EYS: variants seen among roughly 807,000 people sequenced by gnomAD.
The protein encoded by EYS is protein eyes shut homolog.
EYS carries 250 observed loss-of-function variants against 282.1 expected under a neutral mutation model. That is an observed-to-expected ratio of 0.89 (90% CI 0.80 to 0.98). The LOEUF is 0.98. EYS is among the 50% of genes least tolerant of loss of function. EYS has a pLI of 0.00. For synonymous variants in EYS, 1,355 were observed against 1,282.9 expected (o/e 1.06, Z -1.20); for missense variants, 4,016 against 3,709.0 (o/e 1.08, Z -2.15).
At chr6:63,922,551 A>C (rs1417531731) in intron 35 of EYS, among the ~76,000 whole-genome samples, 2 of 152,180 alleles carry the variant, frequency 1.3e-5, no homozygotes. Context: ...TGACAGAATG[A>C]GACTCTGCCT....
At chr6:65,644,498 ACAAT>A (rs1767387007) in intron 1 of EYS, among the ~76,000 whole-genome samples, 2 of 152,208 alleles carry the variant, frequency 1.3e-5, no homozygotes, top group South Asian at 2.1e-4. Flanking sequence ...ACCTGAGAGA[ACAAT>A]CAAAGACAAC....
At chr6:64,114,319 G>T (rs1018295041) in intron 31 of EYS, among the ~76,000 whole-genome samples, 1 of 151,578 alleles carries the variant, frequency 6.6e-6, no homozygotes, top group African/African-American at 2.4e-5. Context: ...TATTTTATTA[G>T]CTTTATTCTT....
At chr6:64,547,313 A>G (rs894137269) in intron 26 of EYS, among the ~76,000 whole-genome samples, 1 of 151,994 alleles carries the variant, frequency 6.6e-6, no homozygotes, top group Admixed American at 6.6e-5. Context: ...GGTCCATTTT[A>G]CAGAGAGCCG....
chr6:63,740,447 C>G (rs1416132513), intron 41 of EYS, among the ~76,000 whole-genome samples: 1 of 152,158 alleles, frequency 6.6e-6, no homozygotes, highest in Non-Finnish European at 1.5e-5. Context: ...TTTTTCTTCC[C>G]AGTTCCAGGT....
In EYS at chr6:65,175,191, G is replaced by A. The variant is rs1256897552; in HGVS notation, c.2024-117464C>T. Among the ~76,000 whole-genome samples, 7 of 151,296 alleles carry A rather than the reference G, an allele frequency of 4.6e-5. No homozygotes were observed. In the East Asian group the frequency reaches 1.4e-3, roughly 30 times the overall value. On this transcript the variant is annotated intron_variant, in intron 12 of 42. Transcript: ENST00000503581. ...AAATAGTAGGTCAAGAAAAGGAAAG[G>A]ATGTTTTAAGGTAAGATAATATCAT...
intron 28 of EYS, among the ~76,000 whole-genome samples, chr6:64,405,037 A>C (rs921100578): frequency 1.3e-5 from 2 of 152,012 alleles, no homozygotes; most frequent in Non-Finnish European, 2.9e-5. Flanking sequence ...CAGATTTGTT[A>C]CATACGTAAA....
At chr6:64,322,814 C>A (rs1770265758) in intron 29 of EYS, among the ~76,000 whole-genome samples, 1 of 152,004 alleles carries the variant, frequency 6.6e-6, no homozygotes, top group Non-Finnish European at 1.5e-5. Flanking sequence ...GTTATTATTT[C>A]TTCACTGCAG....
chr6:64,100,746 T>C (rs1772797110), intron 31 of EYS, among the ~76,000 whole-genome samples: 1 of 152,200 alleles, frequency 6.6e-6, no homozygotes, highest in Non-Finnish European at 1.5e-5. Context: ...GTTAGAACCC[T>C]GAACCTTACA....
At chr6:63,791,558 A>G (rs1406541015) in intron 37 of EYS, among the ~76,000 whole-genome samples, 8 of 150,750 alleles carry the variant, frequency 5.3e-5, no homozygotes, top group Admixed American at 4.6e-4. Flanking sequence ...AGCCTGGGCA[A>G]CAGAGCGAGA....
chr6:64,020,038 T>G (rs1769110861), intron 33 of EYS, among the ~76,000 whole-genome samples: 1 of 151,990 alleles, frequency 6.6e-6, no homozygotes, highest in Non-Finnish European at 1.5e-5. Flanking sequence ...CAAGAAACAC[T>G]GATAAAATCA....
intron 12 of EYS, among the ~76,000 whole-genome samples, chr6:65,102,355 C>G (rs772532610): frequency 6.6e-6 from 1 of 151,202 alleles, no homozygotes; most frequent in East Asian, 1.9e-4. Flanking sequence ...CATATTTATT[C>G]GATGCTAATT....
At chr6:65,645,799 A>G (rs538948926) in intron 1 of EYS, among the ~76,000 whole-genome samples, 1 of 152,198 alleles carries the variant, frequency 6.6e-6, no homozygotes, top group South Asian at 2.1e-4. Flanking sequence ...CCAAGAAAAG[A>G]AGAGAGAAGT....
At chr6:64,069,559 T>G (rs1048250930) in intron 32 of EYS, among the ~76,000 whole-genome samples, 1 of 151,992 alleles carries the variant, frequency 6.6e-6, no homozygotes, top group Non-Finnish European at 1.5e-5. Context: ...GTCTTAAATC[T>G]CTCCAAAATT....
chr6:65,157,719 A>G (rs1368889342), intron 12 of EYS, among the ~76,000 whole-genome samples: 1 of 150,800 alleles, frequency 6.6e-6, no homozygotes, highest in Non-Finnish European at 1.5e-5. Context: ...AATATCTGAA[A>G]GTTTTCTTTA....
intron 39 of EYS, among the ~76,000 whole-genome samples, chr6:63,785,077 C>T (rs1178492463): frequency 6.6e-6 from 1 of 152,064 alleles, no homozygotes; most frequent in Non-Finnish European, 1.5e-5. Context: ...TATTGCTGAC[C>T]CAGGGACCAC....
At chr6:63,877,591 A>T (rs577350584) in intron 35 of EYS, among the ~76,000 whole-genome samples, 8 of 151,792 alleles carry the variant, frequency 5.3e-5, no homozygotes, top group South Asian at 2.1e-4. Flanking sequence ...ATTCTTCCCA[A>T]CACTTTCAGG....
At chr6:63,845,756 T>A (rs1772082251) in intron 36 of EYS, among the ~76,000 whole-genome samples, 1 of 152,144 alleles carries the variant, frequency 6.6e-6, no homozygotes, top group Non-Finnish European at 1.5e-5. Context: ...ATTGCACAGG[T>A]GTTCTGATAT....
At chr6:64,034,425 A>C (rs1770013755) in intron 33 of EYS, among the ~76,000 whole-genome samples, 1 of 152,220 alleles carries the variant, frequency 6.6e-6, no homozygotes, top group Non-Finnish European at 1.5e-5. Flanking sequence ...ACAGGAATGC[A>C]AGTGACTTGC....
chr6:65,341,655 G>A (rs1034829351), intron 10 of EYS, among the ~76,000 whole-genome samples: 1 of 151,150 alleles, frequency 6.6e-6, no homozygotes, highest in Non-Finnish European at 1.5e-5. Context: ...GAATTGTCAA[G>A]TATGTGAGTT....
Sources: gnomAD v4.1 joint callset for allele counts (sites outside exome capture counted in the v4.1 genomes callset) on GRCh38, gnomAD v4.1.1 for gene constraint, MANE v1.5 for transcripts, NCBI Gene and HGNC (gene_info 2026-07-23, HGNC 2026-07-21) for gene names.